The following AAK1 variants were observed in gnomAD, a reference collection of about 807,000 sequenced individuals.
AAK1 encodes the protein AP2-associated protein kinase 1.
AAK1 carries 37 observed loss-of-function variants against 116.0 expected under a neutral mutation model. That is an observed-to-expected ratio of 0.32 (90% CI 0.25 to 0.42). The LOEUF (loss-of-function observed/expected upper bound fraction) is 0.42, where lower values mean the gene tolerates loss of function less well. Ranked by LOEUF, AAK1 falls within the 10% of genes least tolerant of loss-of-function variation. The probability of loss-of-function intolerance (pLI) is 1.00; values close to 1 mark genes in which losing one functional copy is unlikely to be tolerated. For missense variants in AAK1, 919 were observed against 1,170.6 expected, an observed-to-expected ratio of 0.79 and a Z score of 3.14; for synonymous variants, 458 against 439.9, an observed-to-expected ratio of 1.04 and a Z score of -0.51.
At chr2:69,632,021 A>G (rs979634076) in intron 2 of AAK1, among the ~76,000 whole-genome samples, 8 of 152,170 alleles carry the variant, frequency 5.3e-5, no homozygotes, top group African/African-American at 1.9e-4. Flanking sequence ...ATAGATCAAT[A>G]ATAATAAAAA....
intron 2 of AAK1, among the ~76,000 whole-genome samples, chr2:69,572,544 G>A (rs1006577642): frequency 2.7e-5 from 4 of 150,616 alleles, no homozygotes; most frequent in Non-Finnish European, 3.0e-5. Context: ...CCTTGAACCC[G>A]GGAGGAAGAG....
intron 2 of AAK1, among the ~76,000 whole-genome samples, chr2:69,562,548 T>C (rs1416043186): frequency 6.6e-6 from 1 of 152,078 alleles, no homozygotes; most frequent in Non-Finnish European, 1.5e-5. Context: ...AATTCTAAAA[T>C]CTCTTTTACT....
At position 69,469,321 on chromosome 2, in the gene AAK1, C is replaced by T. The variant is rs572352752; in HGVS notation, c.*6548G>A. 10 of 985,284 alleles carry T rather than the reference C, an allele frequency of 1.0e-5. No individual in the cohort carries two copies. In the South Asian group the frequency reaches 1.9e-4, roughly 19 times the overall value. 61.0% of individuals were successfully genotyped at this position (985,284 alleles called of 1,614,324 possible). On this transcript the variant is annotated 3_prime_UTR_variant, in exon 22 of 22. Coordinates refer to ENST00000409085, the MANE Select transcript of AAK1 (RefSeq NM_014911.5). ...GTGGCAGCACCAGAAACAAGGTAGT[C>T]GAGAGAAGGATAAATTCCAAATATA... is the stretch of plus-strand genomic sequence containing the variant.
At chr2:69,630,524 T>C (rs1365908391) in intron 2 of AAK1, among the ~76,000 whole-genome samples, 2 of 152,202 alleles carry the variant, frequency 1.3e-5, no homozygotes, top group Non-Finnish European at 2.9e-5. Flanking sequence ...CATACACCAG[T>C]CACTGTGTGA....
intron 5 of AAK1, 96 bp from the exon 6 acceptor site, chr2:69,532,258 T>C: frequency 6.8e-7 from 1 of 1,459,974 alleles, no homozygotes; most frequent in Non-Finnish European, 9.4e-7. Context: ...GTTTTATTTC[T>C]GGCAGTCTCA....
chr2:69,635,467 G>A (rs192549126), intron 2 of AAK1, among the ~76,000 whole-genome samples: 4 of 152,304 alleles, frequency 2.6e-5, no homozygotes, highest in Admixed American at 2.0e-4. Flanking sequence ...AGAACGCAGG[G>A]TCTTGAAGAG....
At chr2:69,491,996 G>A (rs1380080709) in intron 17 of AAK1, among the ~76,000 whole-genome samples, 1 of 152,006 alleles carries the variant, frequency 6.6e-6, no homozygotes, top group African/African-American at 2.4e-5. Flanking sequence ...TGGGGAGTGT[G>A]GGCAATAAGA....
chr2:69,519,287 C>T (rs1050667938), intron 11 of AAK1, 47 bp from the exon 12 acceptor site: 17 of 1,473,250 alleles, frequency 1.2e-5, no homozygotes, highest in Non-Finnish European at 1.5e-5. Context: ...TGCTTCCACA[C>T]AAAAATGGCT....
intron 20 of AAK1, among the ~76,000 whole-genome samples, chr2:69,477,965 G>A (rs1193063639): frequency 6.6e-6 from 1 of 152,188 alleles, no homozygotes; most frequent in African/African-American, 2.4e-5. Flanking sequence ...CAGGCATTGA[G>A]CCTGACACTG....
chr2:69,542,796 A>C, intron 4 of AAK1, 131 bp from the exon 5 acceptor site: 2 of 1,036,870 alleles, frequency 1.9e-6, no homozygotes, highest in Non-Finnish European at 2.8e-6. Context: ...TGACTGAGCC[A>C]GGATTAAAAC....
At chr2:69,535,035 C>T (rs905066997) in intron 5 of AAK1, among the ~76,000 whole-genome samples, 15 of 152,182 alleles carry the variant, frequency 9.9e-5, no homozygotes, top group East Asian at 1.9e-4. Context: ...TAAATGTTGC[C>T]GATGAAATCA....
At chr2:69,544,971 G>C (rs1202686388) in intron 3 of AAK1, among the ~76,000 whole-genome samples, 3 of 151,778 alleles carry the variant, frequency 2.0e-5, no homozygotes, top group Non-Finnish European at 4.4e-5. Flanking sequence ...GGGCAAAAAT[G>C]AATTTAACTT....
intron 10 of AAK1, among the ~76,000 whole-genome samples, chr2:69,522,112 C>G (rs1392639253): frequency 1.3e-5 from 2 of 152,246 alleles, no homozygotes; most frequent in Non-Finnish European, 2.9e-5. Flanking sequence ...CTAACTTCCA[C>G]TCATTTACAG....
intron 17 of AAK1, among the ~76,000 whole-genome samples, chr2:69,493,038 TA>T: frequency 6.7e-6 from 1 of 150,046 alleles, no homozygotes; most frequent in Middle Eastern, 3.4e-3. Flanking sequence ...TCAAAAATGT[TA>T]AAAAAGGATG....
chr2:69,511,823 C>T (rs1267860079), intron 13 of AAK1, among the ~76,000 whole-genome samples: 1 of 152,186 alleles, frequency 6.6e-6, no homozygotes, highest in African/African-American at 2.4e-5. Context: ...TCTCCAGATG[C>T]AGCACACTGA....
chr2:69,544,496 T>A lies in AAK1; in HGVS notation c.331A>T (p.Ile111Phe), dbSNP rs567689815. Residue 111 changes from isoleucine (I) to phenylalanine (F), a missense_variant, in exon 4 of 22, where the codon ATC (isoleucine) becomes TTC (phenylalanine). Physicochemically the swap from Ile to Phe is conservative, Grantham distance 21. Transcript: ENST00000409085. The part of the protein sequence containing the change: ...KNIVGYIDSS[I>F]NNVSSGDVWE... The stretch of plus-strand genomic sequence containing the variant: ...ACATCACCGCTACTCACGTTGTTGA[T>A]ACTAGAATCAATGTAACCCACAATA... The A allele has an allele frequency of 1.2e-6, 2 of 1,613,906 alleles. No homozygotes were observed. The highest frequency in any genetic ancestry group is 2.2e-5 in the South Asian group (2 of 91,080).
chr2:69,463,031 G>A lies in AAK1; in HGVS notation c.*12838C>T, dbSNP rs1449300254. ...TTGATCAGGACATTTGAAATAGGCAGAGACCACCAAAAAAGGACAAAGTAT... is the reference window on the plus strand; with the variant it reads ...TTGATCAGGACATTTGAAATAGGCAAAGACCACCAAAAAAGGACAAAGTAT... On this transcript the variant is annotated 3_prime_UTR_variant, in exon 22 of 22. Transcript: ENST00000409085. The A allele has an allele frequency of 6.6e-6, 1 of 152,124 alleles. No individual in the cohort carries two copies. Among genetic ancestry groups the A allele is most frequent in the Admixed American group, 6.5e-5 (1 of 15,270 alleles). The allele number at this position is 152,124 out of a possible 1,614,324, so 9.4% of individuals were successfully genotyped here. A position where few individuals can be genotyped will look rare whatever the true frequency, so the allele number is the denominator to read the frequency against.
chr2:69,589,805 GA>G (rs1355899418), intron 2 of AAK1, among the ~76,000 whole-genome samples: 1 of 151,964 alleles, frequency 6.6e-6, no homozygotes, highest in African/African-American at 2.4e-5. Context: ...CAATCCCTAG[GA>G]ATGATCTGCC....
chr2:69,594,585 C>T (rs1390982208), intron 2 of AAK1, among the ~76,000 whole-genome samples: 2 of 152,176 alleles, frequency 1.3e-5, no homozygotes, highest in Non-Finnish European at 2.9e-5. Context: ...AAATAGAACA[C>T]TACTATGTCT....
Sources: allele counts gnomAD v4.1 joint callset (sites outside exome capture counted in the v4.1 genomes callset), GRCh38; gene constraint gnomAD v4.1.1; transcripts MANE v1.5; gene names NCBI Gene and HGNC (gene_info 2026-07-23, HGNC 2026-07-21).